The following PPP1R12B variants were observed in gnomAD, a reference collection of about 807,000 sequenced individuals.
PPP1R12B encodes protein phosphatase 1 regulatory subunit 12B.
PPP1R12B carries 76 observed loss-of-function variants against 126.1 expected under a neutral mutation model. That is an observed-to-expected ratio of 0.60 (90% CI 0.50 to 0.73). The LOEUF (loss-of-function observed/expected upper bound fraction) is 0.73. PPP1R12B is among the 30% of genes least tolerant of loss of function. The pLI, the probability that PPP1R12B is intolerant of heterozygous loss-of-function variation, is 0.00. For synonymous variants in PPP1R12B, 356 were observed against 434.7 expected, an observed-to-expected ratio of 0.82 and a Z score of 2.25; for missense variants, 1,052 against 1,205.1, an observed-to-expected ratio of 0.87 and a Z score of 1.88.
chr1:202,588,829 A>AGATAGATAGAT lies in PPP1R12B; in HGVS notation c.*8270_*8280dup, dbSNP rs1553332053. 5 of 120,690 alleles carry AGATAGATAGAT rather than the reference A, an allele frequency of 4.1e-5. No individual in the cohort carries two copies. The highest frequency in any genetic ancestry group is 1.5e-4 in the African/African-American group (4 of 26,642). 7.5% of individuals were successfully genotyped at this position (120,690 alleles called of 1,614,324 possible). A position where few individuals can be genotyped will look rare whatever the true frequency, so the allele number is the denominator to read the frequency against. On this transcript the variant is annotated 3_prime_UTR_variant, in exon 24 of 24. Transcript: ENST00000608999. ...TTGGCGTTCAAAAGAACCGTAAGAT[A>AGATAGATAGAT]GATAGATAGATAGATAGATAGATAG...
chr1:202,493,163 C>T lies in PPP1R12B; in HGVS notation c.1991C>T (p.Ser664Leu), dbSNP rs201030533. 6.2e-6 allele frequency: 10 copies of T among 1,612,142 alleles called. No homozygotes were observed. Among genetic ancestry groups the T allele is most frequent in the Non-Finnish European group, 8.5e-6 (10 of 1,179,834 alleles). ...LQEAERTFSR[S>L]RAERQAQEQP... ...GAAGCAGAAAGGACATTCAGCCGGT[C>T]GAGGGCAGAGAGGCAAGCTCAGGAG... is the stretch of plus-strand genomic sequence containing the variant. The change falls in exon 15 of 24, where the codon TCG becomes TTG. Residue 664 changes from serine (S) to leucine (L), a missense_variant. Coordinates refer to ENST00000608999, the MANE Select transcript of PPP1R12B (RefSeq NM_002481.4).
intron 23 of PPP1R12B, among the ~76,000 whole-genome samples, chr1:202,571,763 AT>A (rs58592681): frequency 3.3e-5 from 5 of 149,910 alleles, no homozygotes; most frequent in Non-Finnish European, 1.5e-5. Flanking sequence ...GCCAGGACTG[AT>A]TTTTTTTTTA....
Position 202,589,070 on chromosome 1 carries a change from A to C in PPP1R12B, c.*8510A>C, listed in dbSNP as rs971563874. The C allele has an allele frequency of 1.3e-5, 2 of 152,182 alleles. No homozygotes were observed. The highest frequency in any genetic ancestry group is 2.1e-4 in the South Asian group (1 of 4,824). The allele number at this position is 152,182 out of a possible 1,614,324, so 9.4% of individuals were successfully genotyped here. The stretch of plus-strand genomic sequence containing the variant: ...CTGCCATCACCCTTAGTCATCTGCT[A>C]TATCCATAAGTCTTCATGAGGTCAT... On this transcript the variant is annotated 3_prime_UTR_variant, in exon 24 of 24. Coordinates refer to ENST00000608999, the MANE Select transcript of PPP1R12B (RefSeq NM_002481.4).
At chr1:202,454,656 A>G (rs1273653494) in intron 13 of PPP1R12B, among the ~76,000 whole-genome samples, 1 of 152,230 alleles carries the variant, frequency 6.6e-6, no homozygotes, top group African/African-American at 2.4e-5. Context: ...CTTCTTGGCC[A>G]GGTATGGTAG....
At chr1:202,352,716 G>A (rs1486433946) in intron 1 of PPP1R12B, among the ~76,000 whole-genome samples, 2 of 151,850 alleles carry the variant, frequency 1.3e-5, no homozygotes, top group Admixed American at 6.6e-5. Context: ...GCAAAATCCC[G>A]TCTCTACTAA....
At chr1:202,492,526 C>G (rs1159587220) in intron 14 of PPP1R12B, among the ~76,000 whole-genome samples, 1 of 152,174 alleles carries the variant, frequency 6.6e-6, no homozygotes, top group African/African-American at 2.4e-5. Flanking sequence ...CCTGTCTTCT[C>G]TCTTGCTGCC....
At position 202,437,910 on chromosome 1, in the gene PPP1R12B, C is replaced by A. The variant is rs754537215; in HGVS notation, c.1344C>A (p.His448Gln). The change falls in exon 10 of 24, where the codon CAC (histidine) becomes CAA (glutamine). Residue 448 changes from histidine to glutamine, a missense_variant. His to Gln is a conservative substitution (Grantham distance 24, BLOSUM62 0). Transcript: ENST00000608999. ...WRLGLRKTGS[H>Q]NMLSEVANSR... Reference sequence around the variant, plus strand: ...TGGGACTGAGAAAAACTGGCAGCCACAACATGCTGAGTGAGGTGGCCAATT... The same window carrying A: ...TGGGACTGAGAAAAACTGGCAGCCAAAACATGCTGAGTGAGGTGGCCAATT... The A allele has an allele frequency of 6.2e-7, 1 of 1,613,924 alleles. No individual in the cohort carries two copies. The highest frequency in any genetic ancestry group is 1.3e-5 in the African/African-American group (1 of 74,920).
intron 18 of PPP1R12B, among the ~76,000 whole-genome samples, chr1:202,529,236 G>A (rs1274056925): frequency 2.0e-5 from 3 of 151,620 alleles, no homozygotes; most frequent in Non-Finnish European, 4.4e-5. Flanking sequence ...AAGCAAAAAG[G>A]GTGCATGCCA....
chr1:202,413,469 G>T (rs1667660507), intron 1 of PPP1R12B, among the ~76,000 whole-genome samples: 1 of 152,048 alleles, frequency 6.6e-6, no homozygotes, highest in African/African-American at 2.4e-5. Context: ...TTAAATAGTT[G>T]TTCATTATAA....
In PPP1R12B at chr1:202,416,525, T is replaced by A. The variant is rs1243640255; in HGVS notation, c.292-262T>A. On this transcript the variant is annotated intron_variant, in intron 1 of 23. Transcript: ENST00000608999. ...TGGGCAAAAAGAGTGAAACTCTGTC[T>A]AAAAAAAAAAAAAAAAAAAAAGATT... 2.8e-3 allele frequency among the ~76,000 whole-genome samples: 315 copies of A among 111,626 alleles called. 2 individuals carry two copies. The highest frequency in any genetic ancestry group is 0.013 in the South Asian group (39 of 3,072). The allele number at this position is 111,626 out of a possible 152,430, so 73.2% of individuals were successfully genotyped here.
chr1:202,559,002 C>G, intron 19 of PPP1R12B, 109 bp downstream of exon 19: 1 of 1,147,622 alleles, frequency 8.7e-7, no homozygotes, highest in Non-Finnish European at 1.2e-6. Flanking sequence ...ACATCCTTTC[C>G]ATCCTTTTCA....
chr1:202,460,614 C>T (rs1308032506), intron 13 of PPP1R12B, among the ~76,000 whole-genome samples: 4 of 151,906 alleles, frequency 2.6e-5, no homozygotes, highest in African/African-American at 9.7e-5. Context: ...AAGTCTGCGG[C>T]CATGCTGCCA....
At chr1:202,570,510 A>G (rs1688492456) in intron 23 of PPP1R12B, among the ~76,000 whole-genome samples, 1 of 152,178 alleles carries the variant, frequency 6.6e-6, no homozygotes, top group South Asian at 2.1e-4. Flanking sequence ...AACATTTTAA[A>G]TCTTCCAAGT....
rs1413855773 is a variant in PPP1R12B, at chr1:202,592,497, ACT to A, written c.*11941_*11942del. The A allele has an allele frequency of 2.6e-5, 4 of 152,124 alleles. No individual in the cohort carries two copies. The highest frequency in any genetic ancestry group is 9.7e-5 in the African/African-American group (4 of 41,394). The allele number at this position is 152,124 out of a possible 1,614,324, so 9.4% of individuals were successfully genotyped here. A position where few individuals can be genotyped will look rare whatever the true frequency, so the allele number is the denominator to read the frequency against. On this transcript the variant is annotated 3_prime_UTR_variant, in exon 24 of 24. Coordinates refer to ENST00000608999, the MANE Select transcript of PPP1R12B (RefSeq NM_002481.4). ...GGGTTTGAGGTTGGGGATCAAGGGG[ACT>A]CTCAGCATTGCCATGCGGCTATTTA...
chr1:202,413,933 C>CT (rs4022373), intron 1 of PPP1R12B, among the ~76,000 whole-genome samples: 15 of 148,144 alleles, frequency 1.0e-4, no homozygotes, highest in African/African-American at 2.0e-4. Context: ...GGTTCGTTTC[C>CT]TTTTTTTTTT....
Position 202,446,256 on chromosome 1 carries a change from A to ATATATATATTTT in PPP1R12B, c.1668-2732_1668-2731insATATATATTTTT, listed in dbSNP as rs376183502. Among the ~76,000 whole-genome samples, 528 of 54,208 alleles carry ATATATATATTTT rather than the reference A, an allele frequency of 9.7e-3. 5 individuals carry two copies. Among genetic ancestry groups the ATATATATATTTT allele is most frequent in the Admixed American group, 0.015 (39 of 2,590 alleles). 35.6% of individuals were successfully genotyped at this position (54,208 alleles called of 152,430 possible). ...TCTCTCTATATATATATATATATATATTTTTTTTTTTTTTTGAGATGGAAT... is the reference window on the plus strand; with the variant it reads ...TCTCTCTATATATATATATATATATATATATATATTTTTTTTTTTTTTTTTTTGAGATGGAAT... On this transcript the variant is annotated intron_variant, in intron 12 of 23. Transcript: ENST00000608999.
chr1:202,395,766 CT>C (rs1369518436), intron 1 of PPP1R12B, among the ~76,000 whole-genome samples: 4 of 152,176 alleles, frequency 2.6e-5, no homozygotes, highest in Non-Finnish European at 5.9e-5. Flanking sequence ...TTTAATAACA[CT>C]TTCCCTAAAC....
chr1:202,432,399 C>CT (rs1670299274), intron 8 of PPP1R12B, among the ~76,000 whole-genome samples: 1 of 152,048 alleles, frequency 6.6e-6, no homozygotes, highest in South Asian at 2.1e-4. Context: ...CTCTCAGTAG[C>CT]TGGGACTACA....
intron 18 of PPP1R12B, among the ~76,000 whole-genome samples, chr1:202,513,604 C>T (rs1413807129): frequency 1.3e-5 from 2 of 152,110 alleles, no homozygotes; most frequent in Non-Finnish European, 2.9e-5. Flanking sequence ...TAGTTTTAAG[C>T]TATGAAAAAT....
Sources: gnomAD v4.1 joint callset for allele counts (sites outside exome capture counted in the v4.1 genomes callset) on GRCh38, gnomAD v4.1.1 for gene constraint, MANE v1.5 for transcripts, NCBI Gene and HGNC (gene_info 2026-07-23, HGNC 2026-07-21) for gene names.